CACNA1D: variants seen among roughly 807,000 people sequenced by gnomAD.
The protein encoded by CACNA1D is voltage-dependent L-type calcium channel subunit alpha-1D.
Under a neutral mutation model 257.1 loss-of-function variants are expected in CACNA1D, and 55 were observed. That is an observed-to-expected ratio of 0.21 (90% CI 0.17 to 0.27). CACNA1D has a LOEUF of 0.27. Among genes scored for constraint, CACNA1D ranks in the 10% least tolerant of loss-of-function variants. CACNA1D has a pLI of 1.00. For missense variants in CACNA1D, 1,876 were observed against 2,784.0 expected, an observed-to-expected ratio of 0.67 and a Z score of 7.34; for synonymous variants, 980 against 1,014.9, an observed-to-expected ratio of 0.97 and a Z score of 0.65.
At chr3:53,556,975 C>G (rs1373916003) in intron 3 of CACNA1D, among the ~76,000 whole-genome samples, 13 of 152,130 alleles carry the variant, frequency 8.5e-5, no homozygotes, top group Admixed American at 7.2e-4. Flanking sequence ...CTTGGCCTCC[C>G]AAAGTGCTGG....
At chr3:53,639,654 G>T (rs938849430) in intron 3 of CACNA1D, among the ~76,000 whole-genome samples, 4 of 152,060 alleles carry the variant, frequency 2.6e-5, no homozygotes, top group African/African-American at 9.7e-5. Flanking sequence ...CCAAAGTGCT[G>T]GGATTACAGG....
chr3:53,753,730 G>A, intron 29 of CACNA1D, 48 bp downstream of exon 29: 2 of 1,074,740 alleles, frequency 1.9e-6, no homozygotes, highest in Non-Finnish European at 1.5e-6. Context: ...AGTCACCCTA[G>A]AGAAGTACCC....
intron 3 of CACNA1D, among the ~76,000 whole-genome samples, chr3:53,534,812 T>G (rs1043730723): frequency 6.6e-6 from 1 of 152,234 alleles, no homozygotes; most frequent in Non-Finnish European, 1.5e-5. Flanking sequence ...CATACACATA[T>G]TAGTAAGAGA....
chr3:53,604,373 G>T (rs1045213333), intron 3 of CACNA1D, among the ~76,000 whole-genome samples: 5 of 152,200 alleles, frequency 3.3e-5, no homozygotes, highest in African/African-American at 1.2e-4. Context: ...TCAGTAGATA[G>T]CCATTCTGCA....
intron 9 of CACNA1D, among the ~76,000 whole-genome samples, chr3:53,713,692 T>C (rs961603619): frequency 1.2e-4 from 18 of 152,228 alleles, no homozygotes; most frequent in African/African-American, 3.6e-4. Flanking sequence ...CCTGGTTTAC[T>C]GTGTGTGGCA....
At chr3:53,611,654 G>A (rs2093584783) in intron 3 of CACNA1D, among the ~76,000 whole-genome samples, 1 of 152,048 alleles carries the variant, frequency 6.6e-6, no homozygotes, top group African/African-American at 2.4e-5. Context: ...TAACCCAGTT[G>A]ATCTTGTTCA....
intron 3 of CACNA1D, among the ~76,000 whole-genome samples, chr3:53,646,174 C>T (rs1033499885): frequency 6.6e-6 from 1 of 152,062 alleles, no homozygotes; most frequent in Non-Finnish European, 1.5e-5. Flanking sequence ...GAGTGAAGCA[C>T]TCTGACAGAG....
At chr3:53,709,192 A>G (rs1411024315) in intron 9 of CACNA1D, among the ~76,000 whole-genome samples, 2 of 152,348 alleles carry the variant, frequency 1.3e-5, no homozygotes, top group Admixed American at 1.3e-4. Flanking sequence ...TAGAGTAATA[A>G]TAACTAGCAT....
rs182661917 is a variant in CACNA1D, at chr3:53,676,946, A to C, written c.1220+3820A>C. Among the ~76,000 whole-genome samples, 109 of 152,322 alleles carry C rather than the reference A, an allele frequency of 7.2e-4. 4 individuals are homozygous for C. The East Asian group carries it at 0.014, about 20-fold the overall frequency. On this transcript the variant is annotated intron_variant, in intron 8 of 47. Coordinates refer to ENST00000350061, the MANE Select transcript of CACNA1D (RefSeq NM_001128840.3). ...TGTCTAATGTTGCAATTTAACCTTA[A>C]GTTGTCATTGAGGATATGCTCCCAT...
intron 9 of CACNA1D, among the ~76,000 whole-genome samples, chr3:53,709,049 A>T (rs1260018923): frequency 6.6e-6 from 1 of 152,218 alleles, no homozygotes; most frequent in Non-Finnish European, 1.5e-5. Context: ...AGGTCTCTCC[A>T]CCATGAGACC....
intron 29 of CACNA1D, 66 bp from the exon 30 acceptor site, chr3:53,761,932 A>C: frequency 3.5e-6 from 4 of 1,144,842 alleles, no homozygotes; most frequent in South Asian, 2.5e-5. Flanking sequence ...ATTCGCCCCT[A>C]TACGGTCCGT....
chr3:53,768,148 G>A (rs963841750), intron 30 of CACNA1D, among the ~76,000 whole-genome samples: 11 of 152,236 alleles, frequency 7.2e-5, no homozygotes, highest in Admixed American at 2.0e-4. Flanking sequence ...CGTGGATGGC[G>A]TATCAGACTT....
intron 8 of CACNA1D, among the ~76,000 whole-genome samples, chr3:53,688,509 G>A (rs1399579301): frequency 6.6e-6 from 1 of 152,192 alleles, no homozygotes; most frequent in African/African-American, 2.4e-5. Context: ...GATGGGAAGG[G>A]CCTGGATAAA....
chr3:53,807,399 G>A (rs1329074085), intron 45 of CACNA1D: 1 of 152,302 alleles, frequency 6.6e-6, no homozygotes, highest in African/African-American at 2.4e-5. Context: ...TGGCTGTCTC[G>A]TTCCTCTCTG....
rs150119537 is a variant in CACNA1D at position 53,728,670 on chromosome 3, G to A, written c.2221+1671G>A. Among the ~76,000 whole-genome samples the A allele has an allele frequency of 3.9e-5, 6 of 152,342 alleles. No individual in the cohort carries two copies. The East Asian group carries it at 1.2e-3, about 29-fold the overall frequency. The stretch of plus-strand genomic sequence containing the variant: ...AATCTGCAGAGAAGTATTCCCTGGT[G>A]CTTGTCTGTGGTTGCATGTTGTTTT... On this transcript the variant is annotated intron_variant, in intron 15 of 47. Transcript: ENST00000350061.
At chr3:53,727,416 A>C (rs1012425421) in intron 15 of CACNA1D, among the ~76,000 whole-genome samples, 1 of 152,178 alleles carries the variant, frequency 6.6e-6, no homozygotes. Flanking sequence ...GATGAGAGCC[A>C]TCTTTGTGGA....
At chr3:53,572,028 AT>A (rs1384209263) in intron 3 of CACNA1D, among the ~76,000 whole-genome samples, 1 of 152,162 alleles carries the variant, frequency 6.6e-6, no homozygotes, top group Non-Finnish European at 1.5e-5. Context: ...CCATGGACTG[AT>A]TTGTTTGAGG....
At chr3:53,775,279 T>C (rs1035411266) in intron 34 of CACNA1D, among the ~76,000 whole-genome samples, 3 of 152,180 alleles carry the variant, frequency 2.0e-5, no homozygotes, top group African/African-American at 7.2e-5. Flanking sequence ...ATTTTGGTCA[T>C]TAAAAATAAT....
intron 8 of CACNA1D, among the ~76,000 whole-genome samples, chr3:53,680,813 A>G: frequency 6.6e-6 from 1 of 152,212 alleles, no homozygotes; most frequent in Non-Finnish European, 1.5e-5. Context: ...TACTGTCAAC[A>G]TTATGCTTTT....
Sources: gnomAD v4.1 joint callset for allele counts (sites outside exome capture counted in the v4.1 genomes callset) on GRCh38, gnomAD v4.1.1 for gene constraint, MANE v1.5 for transcripts, NCBI Gene and HGNC (gene_info 2026-07-23, HGNC 2026-07-21) for gene names.